The following AHI1 variants were observed in gnomAD, a reference collection of about 807,000 sequenced individuals.
AHI1 encodes jouberin.
In AHI1, 123 loss-of-function variants were observed where a neutral mutation model predicts 149.3. The ratio of observed to expected loss-of-function variants is 0.82; its 90% CI spans 0.71 to 0.96. The LOEUF (loss-of-function observed/expected upper bound fraction) is 0.96. Among genes scored for constraint, AHI1 ranks in the 40% least tolerant of loss-of-function variants. The pLI, the probability that AHI1 is intolerant of heterozygous loss-of-function variation, is 0.00. For missense variants in AHI1, 1,439 were observed against 1,422.7 expected (o/e 1.01, Z -0.18); for synonymous variants, 475 against 459.8 (o/e 1.03, Z -0.42).
chr6:135,319,097 G>A (rs1241581967), intron 25 of AHI1, among the ~76,000 whole-genome samples: 2 of 152,236 alleles, frequency 1.3e-5, no homozygotes. Flanking sequence ...GACAAACTCT[G>A]ATGTGGGGAT....
chr6:135,336,097 G>C (rs915490215), intron 24 of AHI1, among the ~76,000 whole-genome samples: 3 of 127,508 alleles, frequency 2.4e-5, no homozygotes, highest in East Asian at 2.4e-4. Flanking sequence ...TGGATGACTA[G>C]AGCGAAACTC....
intron 11 of AHI1, among the ~76,000 whole-genome samples, chr6:135,452,547 A>G (rs1230090700): frequency 6.6e-6 from 1 of 152,204 alleles, no homozygotes; most frequent in African/African-American, 2.4e-5. Flanking sequence ...AACAGAGTAT[A>G]TATCTTTCTA....
chr6:135,290,444 G>A lies in AHI1; in HGVS notation c.3567C>T (p.Gly1189=). The A allele has an allele frequency of 1.3e-5, 21 of 1,603,998 alleles. No individual in the cohort carries two copies. The highest frequency in any genetic ancestry group is 1.8e-5 in the Non-Finnish European group (21 of 1,170,886). ...DTRMRKNKQA[G]RKVTLIE is the part of the protein sequence containing the mutation. ...TTACCTCTATTAGAGTGACTTTTCTGCCTGCTTGCTTGTTCTTCCTCATCC... is the reference window on the plus strand; with the variant it reads ...TTACCTCTATTAGAGTGACTTTTCTACCTGCTTGCTTGTTCTTCCTCATCC... Residue 1189 remains glycine, a synonymous_variant, in exon 28 of 29, where the codon GGC becomes GGT. Transcript: ENST00000265602.
chr6:135,447,863 A>G (rs1787487224), intron 12 of AHI1, among the ~76,000 whole-genome samples: 1 of 152,204 alleles, frequency 6.6e-6, no homozygotes, highest in Non-Finnish European at 1.5e-5. Context: ...CTGTTTTTGT[A>G]AATAAACTTT....
chr6:135,484,021 A>T (rs995567719), intron 5 of AHI1, among the ~76,000 whole-genome samples: 4 of 151,764 alleles, frequency 2.6e-5, no homozygotes, highest in African/African-American at 9.8e-5. Flanking sequence ...TTAAAGTTCC[A>T]CATGGCTGTG....
At chr6:135,411,684 A>G in intron 20 of AHI1, 140 bp from the exon 21 acceptor site, 1 of 541,718 alleles carries the variant, frequency 1.8e-6, no homozygotes, top group Non-Finnish European at 2.9e-6. Context: ...CATAACTAGC[A>G]AAATTTGAAA....
At chr6:135,478,904 T>C (rs1366010538) in intron 5 of AHI1, among the ~76,000 whole-genome samples, 1 of 152,238 alleles carries the variant, frequency 6.6e-6, no homozygotes, top group Non-Finnish European at 1.5e-5. Context: ...CTGCTCTGGC[T>C]CCAGCTGTGG....
chr6:135,414,601 G>A (rs192052827), intron 20 of AHI1, among the ~76,000 whole-genome samples: 29 of 151,780 alleles, frequency 1.9e-4, no homozygotes, highest in Admixed American at 1.8e-3. Context: ...AAAACAAATA[G>A]GACAATTTAA....
intron 5 of AHI1, among the ~76,000 whole-genome samples, chr6:135,478,692 G>A (rs565202293): frequency 6.6e-6 from 1 of 152,372 alleles, no homozygotes; most frequent in Non-Finnish European, 1.5e-5. Context: ...ATTCTAGGCT[G>A]CAGAAATGTG....
At chr6:135,446,136 G>A (rs890061061) in intron 13 of AHI1, among the ~76,000 whole-genome samples, 1 of 151,958 alleles carries the variant, frequency 6.6e-6, no homozygotes, top group African/African-American at 2.4e-5. Flanking sequence ...GTTATAGGCT[G>A]AATTGTGTCC....
chr6:135,288,234 T>C lies in AHI1; in HGVS notation c.3588+2189A>G, dbSNP rs150237252. On this transcript the variant is annotated intron_variant, in intron 28 of 28. Coordinates refer to ENST00000265602, the MANE Select transcript of AHI1 (RefSeq NM_001134831.2). ...AGGGGAGGAAAAAAATGTGAGTATG[T>C]ATTAAATAATAGCCCCTGACTGGAA... Among the ~76,000 whole-genome samples, 116 of 152,190 alleles carry C rather than the reference T, an allele frequency of 7.6e-4. 2 individuals carry two copies. The highest frequency in any genetic ancestry group is 2.6e-3 in the African/African-American group (108 of 41,448).
chr6:135,296,134 C>T (rs1286079045), intron 27 of AHI1, among the ~76,000 whole-genome samples: 4 of 152,148 alleles, frequency 2.6e-5, no homozygotes, highest in African/African-American at 4.8e-5. Context: ...GGATTACAGG[C>T]GTGAGCCACC....
chr6:135,387,867 G>A (rs1411242585), intron 23 of AHI1: 29 of 1,516,700 alleles, frequency 1.9e-5, no homozygotes, highest in Non-Finnish European at 2.2e-5. Context: ...ATTCTATGAA[G>A]TAGGAAATGT....
At chr6:135,421,144 T>G (rs1281430411) in intron 20 of AHI1, among the ~76,000 whole-genome samples, 1 of 152,098 alleles carries the variant, frequency 6.6e-6, no homozygotes, top group Admixed American at 6.6e-5. Flanking sequence ...GGGTACAGTT[T>G]GTGGTGCCCC....
At chr6:135,467,023 G>A (rs530202161) in intron 6 of AHI1, among the ~76,000 whole-genome samples, 40 of 152,196 alleles carry the variant, frequency 2.6e-4, no homozygotes, top group African/African-American at 8.9e-4. Context: ...AGAGGAGGAG[G>A]GGATAAACTA....
In AHI1 at chr6:135,427,491, C is replaced by T. The variant is rs118043718; in HGVS notation, c.2624-184G>A. Among the ~76,000 whole-genome samples the T allele has an allele frequency of 1.7e-3, 255 of 151,718 alleles. 2 individuals carry two copies. The highest frequency in any genetic ancestry group is 0.013 in the East Asian group (69 of 5,186). ...AATGTATTAAATTATCTTTATTTTA[C>T]ATTCCACTGACCCTCCTCCTTCTAC... On this transcript the variant is annotated intron_variant, in intron 19 of 28. Transcript: ENST00000265602.
At chr6:135,340,672 T>C (rs996643977) in intron 24 of AHI1, among the ~76,000 whole-genome samples, 1 of 131,506 alleles carries the variant, frequency 7.6e-6, no homozygotes, top group African/African-American at 2.9e-5. Context: ...TATATATATA[T>C]ATATATATAT....
chr6:135,315,630 G>GA (rs910671821), intron 26 of AHI1, among the ~76,000 whole-genome samples: 25 of 152,054 alleles, frequency 1.6e-4, no homozygotes, highest in Non-Finnish European at 2.9e-4. Context: ...TACTGAAGAA[G>GA]AAAAAATCCA....
At chr6:135,332,627 T>C (rs560279584) in intron 24 of AHI1, among the ~76,000 whole-genome samples, 1 of 152,314 alleles carries the variant, frequency 6.6e-6, no homozygotes, top group South Asian at 2.1e-4. Context: ...TTCCAAGAAA[T>C]TGGGAGAGAA....
Sources: gnomAD v4.1 joint callset for allele counts (sites outside exome capture counted in the v4.1 genomes callset) on GRCh38, gnomAD v4.1.1 for gene constraint, MANE v1.5 for transcripts, NCBI Gene and HGNC (gene_info 2026-07-23, HGNC 2026-07-21) for gene names.